GPR39: variants seen among roughly 807,000 people sequenced by gnomAD.
The protein encoded by GPR39 is zinc sensing receptor.
In GPR39, 23 loss-of-function variants were observed where a neutral mutation model predicts 18.4. That is an observed-to-expected ratio of 1.25 (90% CI 0.90 to 1.77). The LOEUF (loss-of-function observed/expected upper bound fraction) is 1.77. GPR39 is among the 40% of genes most tolerant of loss of function. The probability of loss-of-function intolerance (pLI) is 0.00; values close to 1 mark genes in which losing one functional copy is unlikely to be tolerated. For missense variants in GPR39, 647 were observed against 602.4 expected, an observed-to-expected ratio of 1.07 and a Z score of -0.78; for synonymous variants, 280 against 257.9, an observed-to-expected ratio of 1.09 and a Z score of -0.82.
chr2:132,588,343 A>G (rs1424752166), intron 1 of GPR39, among the ~76,000 whole-genome samples: 1 of 152,128 alleles, frequency 6.6e-6, no homozygotes, highest in African/African-American at 2.4e-5. Flanking sequence ...GGTCTTAGTT[A>G]TTGCAAGATA....
Position 132,417,235 on chromosome 2 carries a change from C to A in GPR39, c.193C>A (p.Gln65Lys). Residue 65 changes from glutamine to lysine, a missense_variant, in exon 1 of 2, where the codon CAG (glutamine) becomes AAG (lysine). Gln to Lys is a moderately conservative substitution (Grantham distance 53). Coordinates refer to ENST00000329321, the MANE Select transcript of GPR39 (RefSeq NM_001508.3). ...TQVLQKKGYL[Q>K]KEVTDHMVSL... ...GGTGCTGCAGAAGAAAGGATACTTG[C>A]AGAAGGAGGTGACAGACCACATGGT... The A allele has an allele frequency of 6.2e-7, 1 of 1,614,144 alleles. No homozygotes were observed. Among genetic ancestry groups the A allele is most frequent in the Non-Finnish European group, 8.5e-7 (1 of 1,180,024 alleles).
chr2:132,544,225 ATC>A (rs1679905190), intron 1 of GPR39, among the ~76,000 whole-genome samples: 1 of 152,198 alleles, frequency 6.6e-6, no homozygotes, highest in Admixed American at 6.5e-5. Flanking sequence ...TGTTGTTACT[ATC>A]TTCCTGCTTA....
chr2:132,539,098 G>T (rs1376955331), intron 1 of GPR39, among the ~76,000 whole-genome samples: 1 of 152,164 alleles, frequency 6.6e-6, no homozygotes, highest in South Asian at 2.1e-4. Context: ...GGAGTTCCAG[G>T]CACTGCCGGA....
intron 1 of GPR39, among the ~76,000 whole-genome samples, chr2:132,461,234 C>G (rs114959872): frequency 4.6e-5 from 7 of 152,168 alleles, no homozygotes; most frequent in African/African-American, 7.2e-5. Flanking sequence ...AAACAAGTCT[C>G]AGTCTACAGC....
At chr2:132,579,795 ACTTATC>A (rs1217459711) in intron 1 of GPR39, among the ~76,000 whole-genome samples, 2 of 152,154 alleles carry the variant, frequency 1.3e-5, no homozygotes, top group Non-Finnish European at 2.9e-5. Flanking sequence ...TTCTCCTCTG[ACTTATC>A]CTTAAATGTT....
intron 1 of GPR39, among the ~76,000 whole-genome samples, chr2:132,629,976 T>C (rs960894644): frequency 2.0e-5 from 3 of 152,214 alleles, no homozygotes; most frequent in African/African-American, 7.2e-5. Context: ...GTGCGTCTTA[T>C]TGTTTTCATC....
intron 1 of GPR39, among the ~76,000 whole-genome samples, chr2:132,484,489 A>G (rs1379263031): frequency 2.0e-5 from 3 of 152,222 alleles, no homozygotes; most frequent in Non-Finnish European, 4.4e-5. Flanking sequence ...CTTGGCCATT[A>G]GTTCATACAG....
At chr2:132,496,518 C>A (rs62167448) in intron 1 of GPR39, among the ~76,000 whole-genome samples, 3,688 of 152,248 alleles carry the variant, frequency 0.024, 89 homozygotes, top group African/African-American at 0.059. Flanking sequence ...TATTAGTGAT[C>A]CCCAACAAGG....
At chr2:132,559,769 A>T (rs188808430) in intron 1 of GPR39, among the ~76,000 whole-genome samples, 238 of 152,284 alleles carry the variant, frequency 1.6e-3, no homozygotes, top group African/African-American at 5.6e-3. Flanking sequence ...TGGTTCTCCA[A>T]GGGTAACATG....
At chr2:132,581,665 T>A (rs952536422) in intron 1 of GPR39, among the ~76,000 whole-genome samples, 6 of 152,136 alleles carry the variant, frequency 3.9e-5, no homozygotes, top group Non-Finnish European at 8.8e-5. Flanking sequence ...AGGCCCTTAG[T>A]TTCACAGGCA....
Position 132,548,440 on chromosome 2 carries a change from T to C in GPR39, c.857-96661T>C, listed in dbSNP as rs186510050. 9.1e-4 allele frequency among the ~76,000 whole-genome samples: 138 copies of C among 152,348 alleles called. 1 individual carries two copies. Among genetic ancestry groups the C allele is most frequent in the African/African-American group, 3.2e-3 (134 of 41,582 alleles). ...AATTTAGCTAAAAGTCCATCTACGC[T>C]GGCAGTTAGACCATCTTCCTGTGCC... On this transcript the variant is annotated intron_variant, in intron 1 of 1. Transcript: ENST00000329321.
intron 1 of GPR39, among the ~76,000 whole-genome samples, chr2:132,578,792 A>G (rs865930865): frequency 2.7e-5 from 4 of 150,618 alleles, no homozygotes; most frequent in Non-Finnish European, 4.4e-5. Flanking sequence ...AGATTTGTTT[A>G]TAGTCTCTTT....
At chr2:132,568,058 A>C (rs1032494168) in intron 1 of GPR39, among the ~76,000 whole-genome samples, 1 of 152,040 alleles carries the variant, frequency 6.6e-6, no homozygotes, top group African/African-American at 2.4e-5. Flanking sequence ...GTTCTGATTT[A>C]ACTGGCCTTG....
At chr2:132,638,572 A>G (rs1681806729) in intron 1 of GPR39, among the ~76,000 whole-genome samples, 1 of 152,228 alleles carries the variant, frequency 6.6e-6, no homozygotes, top group Non-Finnish European at 1.5e-5. Context: ...TCAGCCGTTA[A>G]AGACTAAACC....
intron 1 of GPR39, among the ~76,000 whole-genome samples, chr2:132,438,986 C>T (rs1363455149): frequency 6.6e-6 from 1 of 152,126 alleles, no homozygotes; most frequent in Non-Finnish European, 1.5e-5. Context: ...TGATTAGTGG[C>T]AAATGCCAAA....
chr2:132,640,044 A>G (rs912143457), intron 1 of GPR39, among the ~76,000 whole-genome samples: 1 of 152,202 alleles, frequency 6.6e-6, no homozygotes, highest in Admixed American at 6.5e-5. Context: ...CAGTTTGCTC[A>G]TGTGTAAGAC....
intron 1 of GPR39, chr2:132,604,605 C>G (rs1466314214): frequency 6.6e-6 from 1 of 152,192 alleles, no homozygotes; most frequent in South Asian, 2.1e-4. Context: ...TTTTAAACAA[C>G]TAACCATAAA....
chr2:132,591,068 G>C (rs1419932254), intron 1 of GPR39, among the ~76,000 whole-genome samples: 1 of 150,556 alleles, frequency 6.6e-6, no homozygotes, highest in Non-Finnish European at 1.5e-5. Context: ...TGGCTAACAA[G>C]GTGAAACCCC....
chr2:132,475,557 C>T (rs1045078191), intron 1 of GPR39, among the ~76,000 whole-genome samples: 6 of 152,110 alleles, frequency 3.9e-5, no homozygotes, highest in African/African-American at 1.4e-4. Context: ...TCAAGATTCT[C>T]CAGCTTAACT....
Sources: allele counts gnomAD v4.1 joint callset (sites outside exome capture counted in the v4.1 genomes callset), GRCh38; gene constraint gnomAD v4.1.1; transcripts MANE v1.5; gene names NCBI Gene and HGNC (gene_info 2026-07-23, HGNC 2026-07-21).